MCU: variants seen among roughly 807,000 people sequenced by gnomAD.
The protein encoded by MCU is calcium uniporter protein, mitochondrial.
MCU carries 12 observed loss-of-function variants against 45.2 expected under a neutral mutation model. The ratio of observed to expected loss-of-function variants is 0.27; its 90% CI spans 0.17 to 0.43. The LOEUF (loss-of-function observed/expected upper bound fraction) is 0.43. Ranked by LOEUF, MCU falls within the 20% of genes least tolerant of loss-of-function variation. MCU has a pLI of 1.00. For missense variants in MCU, 324 were observed against 436.7 expected (o/e 0.74, Z 2.30); for synonymous variants, 160 against 165.1 (o/e 0.97, Z 0.24).
intron 1 of MCU, among the ~76,000 whole-genome samples, chr10:72,776,990 A>G (rs1564553509): frequency 6.6e-6 from 1 of 152,230 alleles, no homozygotes; most frequent in Non-Finnish European, 1.5e-5. Flanking sequence ...CCTAGGAGTT[A>G]ATCTAACTGA....
chr10:72,718,674 C>G (rs1270385737), intron 1 of MCU, among the ~76,000 whole-genome samples: 1 of 152,152 alleles, frequency 6.6e-6, no homozygotes, highest in African/African-American at 2.4e-5. Flanking sequence ...TCTATATTCA[C>G]CAAAAGACCT....
intron 1 of MCU, among the ~76,000 whole-genome samples, chr10:72,783,176 A>G (rs1313365969): frequency 1.3e-5 from 2 of 152,218 alleles, no homozygotes; most frequent in Non-Finnish European, 2.9e-5. Flanking sequence ...AGAGAATGTC[A>G]ATGTGTAGAC....
intron 1 of MCU, among the ~76,000 whole-genome samples, chr10:72,710,764 C>T (rs1455185972): frequency 6.6e-6 from 1 of 151,944 alleles, no homozygotes; most frequent in African/African-American, 2.4e-5. Flanking sequence ...ATTCCTTAGA[C>T]CTCTCTCCCA....
chr10:72,772,275 C>T (rs1843821867), intron 1 of MCU, among the ~76,000 whole-genome samples: 2 of 152,246 alleles, frequency 1.3e-5, no homozygotes, highest in African/African-American at 4.8e-5. Flanking sequence ...CCAGCCTTGA[C>T]ACACTGCTGG....
intron 1 of MCU, among the ~76,000 whole-genome samples, chr10:72,806,152 C>CTTTT (rs774464297): frequency 2.8e-4 from 34 of 120,180 alleles, no homozygotes; most frequent in Non-Finnish European, 4.3e-4. Flanking sequence ...CCATGAAGAG[C>CTTTT]TTTTTTTTTT....
chr10:72,847,473 A>G (rs1429361725), intron 2 of MCU, among the ~76,000 whole-genome samples: 1 of 152,184 alleles, frequency 6.6e-6, no homozygotes, highest in Non-Finnish European at 1.5e-5. Flanking sequence ...AAAGCCAGAA[A>G]TAGGTAGTTC....
At chr10:72,808,606 G>C (rs1289740800) in intron 1 of MCU, among the ~76,000 whole-genome samples, 1 of 152,244 alleles carries the variant, frequency 6.6e-6, no homozygotes, top group East Asian at 1.9e-4. Flanking sequence ...GCATTAATCC[G>C]TTCTCACATA....
At chr10:72,815,619 T>C (rs1844613650) in intron 1 of MCU, among the ~76,000 whole-genome samples, 1 of 152,184 alleles carries the variant, frequency 6.6e-6, no homozygotes, top group Non-Finnish European at 1.5e-5. Flanking sequence ...ACCCAGGATT[T>C]TTTAACCAGC....
intron 6 of MCU, among the ~76,000 whole-genome samples, chr10:72,872,786 T>G (rs1336595805): frequency 6.6e-6 from 1 of 152,164 alleles, no homozygotes; most frequent in African/African-American, 2.4e-5. Flanking sequence ...TGCCCACTAG[T>G]GGGATTGCCA....
At chr10:72,839,021 G>A (rs1037256220) in intron 2 of MCU, among the ~76,000 whole-genome samples, 30 of 148,432 alleles carry the variant, frequency 2.0e-4, no homozygotes, top group Non-Finnish European at 3.3e-4. Flanking sequence ...ACGGAGTCCC[G>A]CTCCATCACC....
At chr10:72,839,895 C>T (rs1002079752) in intron 2 of MCU, among the ~76,000 whole-genome samples, 5 of 133,410 alleles carry the variant, frequency 3.7e-5, no homozygotes, top group Non-Finnish European at 4.6e-5. Context: ...ACCCAGGAGG[C>T]GGAGCTTGCT....
intron 1 of MCU, among the ~76,000 whole-genome samples, chr10:72,795,499 A>T (rs1844229442): frequency 6.6e-6 from 1 of 152,242 alleles, no homozygotes; most frequent in African/African-American, 2.4e-5. Flanking sequence ...CGGTGATTTT[A>T]AAAATCTTAC....
chr10:72,805,167 CT>C (rs1844424640), intron 1 of MCU, among the ~76,000 whole-genome samples: 1 of 138,352 alleles, frequency 7.2e-6, no homozygotes, highest in African/African-American at 3.1e-5. Flanking sequence ...TTCTGTCTCT[CT>C]CTCTCTCTCT....
intron 2 of MCU, among the ~76,000 whole-genome samples, chr10:72,836,145 A>C (rs1315639262): frequency 6.6e-6 from 1 of 152,214 alleles, no homozygotes; most frequent in Non-Finnish European, 1.5e-5. Flanking sequence ...TGTTAAAAAA[A>C]AAAAAGTTTA....
chr10:72,870,446 T>C (rs372004487), intron 5 of MCU, among the ~76,000 whole-genome samples: 15 of 152,014 alleles, frequency 9.9e-5, no homozygotes, highest in African/African-American at 3.6e-4. Context: ...GCCCGGCTAA[T>C]TTTTTGTGTT....
intron 6 of MCU, among the ~76,000 whole-genome samples, chr10:72,877,264 A>G (rs1007887134): frequency 2.0e-5 from 3 of 152,208 alleles, no homozygotes; most frequent in African/African-American, 4.8e-5. Context: ...ATAGTTGCTC[A>G]GTAAATGATT....
intron 1 of MCU, among the ~76,000 whole-genome samples, chr10:72,805,102 T>C (rs867035419): frequency 1.3e-4 from 1 of 7,500 alleles, no homozygotes; most frequent in Admixed American, 1.2e-3. Context: ...TCTTTCTTTC[T>C]CTTTCTTTCT....
intron 2 of MCU, among the ~76,000 whole-genome samples, chr10:72,853,598 A>G (rs1256633311): frequency 6.6e-6 from 1 of 152,242 alleles, no homozygotes; most frequent in Non-Finnish European, 1.5e-5. Flanking sequence ...ATAAAGGTCA[A>G]AAGTTTTCCA....
At chr10:72,695,849 C>T (rs1281010175) in intron 1 of MCU, among the ~76,000 whole-genome samples, 2 of 151,740 alleles carry the variant, frequency 1.3e-5, no homozygotes, top group African/African-American at 4.8e-5. Flanking sequence ...GTAATGTGCA[C>T]CACCATGCCC....
Sources: gnomAD v4.1 joint callset for allele counts (sites outside exome capture counted in the v4.1 genomes callset) on GRCh38, gnomAD v4.1.1 for gene constraint, MANE v1.5 for transcripts, NCBI Gene and HGNC (gene_info 2026-07-23, HGNC 2026-07-21) for gene names.